LHFPL6: variants seen among roughly 807,000 people sequenced by gnomAD.
LHFPL6 encodes LHFPL tetraspan subfamily member 6.
Under a neutral mutation model 20.6 loss-of-function variants are expected in LHFPL6, and 9 were observed. That is an observed-to-expected ratio of 0.44 (90% confidence interval 0.26 to 0.76). The LOEUF (loss-of-function observed/expected upper bound fraction) is 0.76. LHFPL6 is among the 30% of genes least tolerant of loss of function. The pLI is 0.20. For missense variants in LHFPL6, 218 were observed against 253.5 expected, an observed-to-expected ratio of 0.86 and a Z score of 0.95; for synonymous variants, 105 against 98.7, an observed-to-expected ratio of 1.06 and a Z score of -0.38.
chr13:39,372,154 G>T (rs1004374827), intron 3 of LHFPL6, among the ~76,000 whole-genome samples: 1 of 150,972 alleles, frequency 6.6e-6, no homozygotes, highest in African/African-American at 2.4e-5. Flanking sequence ...CCTGAACATG[G>T]GCCCTGGAAA....
chr13:39,346,431 A>G (rs1177053392), intron 3 of LHFPL6, among the ~76,000 whole-genome samples: 3 of 152,214 alleles, frequency 2.0e-5, no homozygotes, highest in Non-Finnish European at 2.9e-5. Flanking sequence ...CTTTACATGG[A>G]GTAAATATTA....
At chr13:39,515,366 G>A (rs2138479747) in intron 2 of LHFPL6, among the ~76,000 whole-genome samples, 2 of 152,328 alleles carry the variant, frequency 1.3e-5, no homozygotes, top group Middle Eastern at 3.4e-3. Flanking sequence ...CTATAAATCA[G>A]CATCAGGAAA....
chr13:39,409,995 C>T (rs1871210585), intron 2 of LHFPL6, among the ~76,000 whole-genome samples: 1 of 152,144 alleles, frequency 6.6e-6, no homozygotes, highest in Admixed American at 6.5e-5. Flanking sequence ...TCATGCCCAG[C>T]ACAAAATCCC....
intron 2 of LHFPL6, among the ~76,000 whole-genome samples, chr13:39,423,815 T>G (rs1871559570): frequency 6.6e-6 from 1 of 152,246 alleles, no homozygotes. Flanking sequence ...GTTGTCTGGA[T>G]GCTTTTATCA....
intron 2 of LHFPL6, among the ~76,000 whole-genome samples, chr13:39,558,596 A>G (rs1276278661): frequency 1.3e-5 from 2 of 152,176 alleles, no homozygotes; most frequent in African/African-American, 4.8e-5. Context: ...TGATGATATC[A>G]TTTTTAAAAG....
At chr13:39,426,268 T>C (rs1871634800) in intron 2 of LHFPL6, among the ~76,000 whole-genome samples, 1 of 151,528 alleles carries the variant, frequency 6.6e-6, no homozygotes, top group Non-Finnish European at 1.5e-5. Context: ...TTGCCCAGGC[T>C]GGAGTGCAAT....
At chr13:39,582,779 T>C (rs1192897696) in intron 2 of LHFPL6, among the ~76,000 whole-genome samples, 1 of 152,144 alleles carries the variant, frequency 6.6e-6, no homozygotes, top group Non-Finnish European at 1.5e-5. Flanking sequence ...GCTGCATCAT[T>C]CATCTGTACA....
chr13:39,533,578 T>C (rs1252519030), intron 2 of LHFPL6, among the ~76,000 whole-genome samples: 1 of 152,190 alleles, frequency 6.6e-6, no homozygotes, highest in Non-Finnish European at 1.5e-5. Flanking sequence ...TGGATGCTGA[T>C]GGAAAACCAC....
chr13:39,361,500 T>C (rs939233650), intron 3 of LHFPL6, among the ~76,000 whole-genome samples: 2 of 152,090 alleles, frequency 1.3e-5, no homozygotes, highest in African/African-American at 4.8e-5. Context: ...CTATTTTTAG[T>C]AGAGATGGGG....
chr13:39,556,102 T>C (rs981927381), intron 2 of LHFPL6, among the ~76,000 whole-genome samples: 9 of 152,140 alleles, frequency 5.9e-5, no homozygotes, highest in African/African-American at 2.2e-4. Context: ...GCTGAGCAGA[T>C]GTCAGCGCCA....
intron 2 of LHFPL6, among the ~76,000 whole-genome samples, chr13:39,380,510 GTT>G (rs56370946): frequency 4.5e-5 from 6 of 133,520 alleles, no homozygotes; most frequent in Admixed American, 7.6e-5. Flanking sequence ...GGTGGCATCA[GTT>G]TTTTTTTTTT....
At chr13:39,491,546 A>C (rs1868925666) in intron 2 of LHFPL6, among the ~76,000 whole-genome samples, 1 of 152,228 alleles carries the variant, frequency 6.6e-6, no homozygotes, top group Non-Finnish European at 1.5e-5. Context: ...GGTTCTTTCA[A>C]GATTATCTTT....
chr13:39,434,380 G>T (rs1236354247), intron 2 of LHFPL6, among the ~76,000 whole-genome samples: 1 of 152,122 alleles, frequency 6.6e-6, no homozygotes, highest in Non-Finnish European at 1.5e-5. Context: ...TCTAACCCCA[G>T]AATCCATGTT....
intron 2 of LHFPL6, among the ~76,000 whole-genome samples, chr13:39,384,619 T>G (rs1870517844): frequency 6.6e-6 from 1 of 152,204 alleles, no homozygotes; most frequent in African/African-American, 2.4e-5. Context: ...GAAATAGAGC[T>G]CAGAAAATTT....
At chr13:39,502,890 G>A (rs1379420384) in intron 2 of LHFPL6, among the ~76,000 whole-genome samples, 1 of 151,950 alleles carries the variant, frequency 6.6e-6, no homozygotes, top group East Asian at 1.9e-4. Flanking sequence ...TATTATTGTT[G>A]TATCTTATTT....
chr13:39,531,467 G>A (rs1191622387), intron 2 of LHFPL6, among the ~76,000 whole-genome samples: 1 of 152,150 alleles, frequency 6.6e-6, no homozygotes, highest in Non-Finnish European at 1.5e-5. Flanking sequence ...TTAACAAAAT[G>A]TACTTTGGGG....
chr13:39,345,516 A>C (rs1262289683), intron 3 of LHFPL6, among the ~76,000 whole-genome samples: 3 of 100,240 alleles, frequency 3.0e-5, no homozygotes, highest in Non-Finnish European at 6.0e-5. Flanking sequence ...CCATCTCAAA[A>C]AAAAAAAAAA....
At chr13:39,378,033 T>C (rs183192765) in intron 3 of LHFPL6, among the ~76,000 whole-genome samples, 11 of 152,350 alleles carry the variant, frequency 7.2e-5, no homozygotes, top group Admixed American at 2.6e-4. Flanking sequence ...CGATGTGAAA[T>C]TGCTTTGAAT....
chr13:39,346,335 T>A (rs1869400743), intron 3 of LHFPL6, among the ~76,000 whole-genome samples: 1 of 152,186 alleles, frequency 6.6e-6, no homozygotes, highest in Non-Finnish European at 1.5e-5. Context: ...GGTGTCATCC[T>A]TGATTTCTCC....
Sources: allele counts gnomAD v4.1 joint callset (sites outside exome capture counted in the v4.1 genomes callset), GRCh38; gene constraint gnomAD v4.1.1; transcripts MANE v1.5; gene names NCBI Gene and HGNC (gene_info 2026-07-23, HGNC 2026-07-21).